The following TBC1D8 variants were observed in gnomAD, a reference collection of about 807,000 sequenced individuals.
TBC1D8 encodes the protein BUB2-like protein 1.
A neutral mutation model predicts 118.8 loss-of-function variants in TBC1D8; 65 were observed. That is an observed-to-expected ratio of 0.55 (90% CI 0.45 to 0.67). TBC1D8 has a LOEUF of 0.67. Ranked by LOEUF, TBC1D8 falls within the 30% of genes least tolerant of loss-of-function variation. The probability of loss-of-function intolerance (pLI) is 0.00; values close to 1 mark genes in which losing one functional copy is unlikely to be tolerated. For missense variants in TBC1D8, 1,376 were observed against 1,471.2 expected, an observed-to-expected ratio of 0.94 and a Z score of 1.06; for synonymous variants, 566 against 595.8, an observed-to-expected ratio of 0.95 and a Z score of 0.73.
At chr2:101,106,178 T>C (rs546301757) in intron 1 of TBC1D8, among the ~76,000 whole-genome samples, 17 of 152,270 alleles carry the variant, frequency 1.1e-4, no homozygotes, top group South Asian at 4.1e-4. Context: ...GGGAAAACTA[T>C]AGCAAGGGTA....
At chr2:101,022,810 G>C (rs1463309211) in intron 15 of TBC1D8, among the ~76,000 whole-genome samples, 1 of 152,026 alleles carries the variant, frequency 6.6e-6, no homozygotes, top group Non-Finnish European at 1.5e-5. Flanking sequence ...TTTCATTATA[G>C]AAGACACACA....
At chr2:101,143,305 C>T (rs1461543153) in intron 1 of TBC1D8, among the ~76,000 whole-genome samples, 1 of 152,070 alleles carries the variant, frequency 6.6e-6, no homozygotes, top group Non-Finnish European at 1.5e-5. Context: ...TCGTGATCTG[C>T]CCACCTCGGC....
At chr2:101,097,374 T>C (rs1676529843) in intron 1 of TBC1D8, among the ~76,000 whole-genome samples, 1 of 152,004 alleles carries the variant, frequency 6.6e-6, no homozygotes, top group South Asian at 2.1e-4. Flanking sequence ...ATAAAGGAAA[T>C]GTGTCTGAGA....
intron 1 of TBC1D8, among the ~76,000 whole-genome samples, chr2:101,144,177 T>C (rs1679230093): frequency 6.6e-6 from 1 of 152,246 alleles, no homozygotes; most frequent in African/African-American, 2.4e-5. Flanking sequence ...AAGAGTGCTC[T>C]GGTGACAAGA....
intron 2 of TBC1D8, among the ~76,000 whole-genome samples, chr2:101,079,835 G>A (rs1010653532): frequency 3.3e-5 from 5 of 150,800 alleles, no homozygotes; most frequent in Middle Eastern, 3.4e-3. Context: ...ACAGGCGCCC[G>A]CCACCACGCC....
At position 101,028,569 on chromosome 2, in the gene TBC1D8, G is replaced by A. The variant is rs76060163; in HGVS notation, c.2223-137C>T. The A allele has an allele frequency of 7.5e-3, 9,802 of 1,307,980 alleles. 471 individuals are homozygous for A. In the East Asian group the frequency reaches 0.097, roughly 13 times the overall value. 81.0% of individuals were successfully genotyped at this position (1,307,980 alleles called of 1,614,324 possible). A position where few individuals can be genotyped will look rare whatever the true frequency, so the allele number is the denominator to read the frequency against. On this transcript the variant is annotated intron_variant, in intron 12 of 19. Coordinates refer to ENST00000409318, the MANE Select transcript of TBC1D8 (RefSeq NM_001330348.2). ...GAGGAGGGCAAGGCTGCAGCTGCTC[G>A]GCTTATTTTAGAGAAGCGAGAGGCA...
chr2:101,104,564 G>A (rs1397732225), intron 1 of TBC1D8, among the ~76,000 whole-genome samples: 1 of 152,176 alleles, frequency 6.6e-6, no homozygotes, highest in Non-Finnish European at 1.5e-5. Context: ...AAAAGCAAAG[G>A]TAGTTCAGTG....
In TBC1D8 at chr2:101,022,420, CCGGGCA is replaced by C; in HGVS notation, c.2616_2621del (p.Asp872_Arg874delinsGlu). The C allele has an allele frequency of 6.2e-7, 1 of 1,613,288 alleles. No individual in the cohort carries two copies. The highest frequency in any genetic ancestry group is 8.5e-7 in the Non-Finnish European group (1 of 1,179,620). On this transcript the variant is annotated inframe_deletion, in exon 16 of 20. Transcript: ENST00000409318. ...CTAGCTGAAACAGGTGTGCAAACTG[CCGGGCA>C]TCTATGCGGTACTGCTCAGCATAGG...
At chr2:101,024,888 T>A (rs1484879022) in intron 15 of TBC1D8, among the ~76,000 whole-genome samples, 1 of 152,040 alleles carries the variant, frequency 6.6e-6, no homozygotes, top group Non-Finnish European at 1.5e-5. Context: ...GCAACACAAA[T>A]GTCACTCAAG....
chr2:101,050,347 C>T (rs1681984246), intron 5 of TBC1D8, 54 bp downstream of exon 5: 2 of 1,569,658 alleles, frequency 1.3e-6, no homozygotes, highest in African/African-American at 2.7e-5. Flanking sequence ...GGGATGGGCA[C>T]AGCTTATGGG....
chr2:101,026,075 G>A (rs1193672799), intron 15 of TBC1D8, among the ~76,000 whole-genome samples: 1 of 152,118 alleles, frequency 6.6e-6, no homozygotes, highest in Non-Finnish European at 1.5e-5. Flanking sequence ...AAACATGAAC[G>A]ATGTGGCTGG....
In TBC1D8 at chr2:101,007,589, T is replaced by TGTAA. The variant is rs375186762; in HGVS notation, c.*228_*231dup. 7,517 of 519,110 alleles carry TGTAA rather than the reference T, an allele frequency of 0.014. 79 individuals carry two copies. Among genetic ancestry groups the TGTAA allele is most frequent in the Non-Finnish European group, 0.02 (5,956 of 293,866 alleles). 32.2% of individuals were successfully genotyped at this position (519,110 alleles called of 1,614,324 possible). A position where few individuals can be genotyped will look rare whatever the true frequency, so the allele number is the denominator to read the frequency against. On this transcript the variant is annotated 3_prime_UTR_variant, in exon 20 of 20. Coordinates refer to ENST00000409318, the MANE Select transcript of TBC1D8 (RefSeq NM_001330348.2). ...CCATTTCAGCAAATCCGGTAAAAAT[T>TGTAA]GTAAGTTGGCATCAAGGGAACCAAT... is the stretch of plus-strand genomic sequence containing the variant.
Position 101,008,357 on chromosome 2 carries a change from G to GA in TBC1D8, c.3016-85dup, listed in dbSNP as rs963382664. The GA allele has an allele frequency of 2.0e-5, 21 of 1,074,802 alleles. No homozygotes were observed. The African/African-American group carries it at 3.2e-4, about 16-fold the overall frequency. The allele number at this position is 1,074,802 out of a possible 1,614,324, so 66.6% of individuals were successfully genotyped here. ...TTTTAAACATACCTGTGAGCTTTGAGAAAACGACACAGTATTTTTGAAGAC... is the reference window on the plus strand; with the variant it reads ...TTTTAAACATACCTGTGAGCTTTGAGAAAAACGACACAGTATTTTTGAAGAC... On this transcript the variant is annotated intron_variant, in intron 19 of 19. Coordinates refer to ENST00000409318, the MANE Select transcript of TBC1D8 (RefSeq NM_001330348.2).
At chr2:101,122,010 G>A (rs1042053214) in intron 1 of TBC1D8, among the ~76,000 whole-genome samples, 1 of 151,902 alleles carries the variant, frequency 6.6e-6, no homozygotes, top group African/African-American at 2.4e-5. Context: ...AGGTTGCAGT[G>A]AGCTGAGATC....
At chr2:101,071,996 C>T (rs1241280791) in intron 2 of TBC1D8, among the ~76,000 whole-genome samples, 2 of 152,208 alleles carry the variant, frequency 1.3e-5, no homozygotes, top group South Asian at 2.1e-4. Flanking sequence ...AAAATTACTC[C>T]TTGACCCATG....
rs767140068 is a variant in TBC1D8 at position 101,022,435 on chromosome 2, G to A, written c.2607C>T (p.Tyr869=). The change falls in exon 16 of 20, where the codon TAC becomes TAT. Residue 869 remains tyrosine (Y), a synonymous_variant. Coordinates refer to ENST00000409318, the MANE Select transcript of TBC1D8 (RefSeq NM_001330348.2). ...GTGCAAACTGCCGGGCATCTATGCG[G>A]TACTGCTCAGCATAGGGCCGGCTGG... ...HDPSRPYAEQ[Y]RIDARQFAHL... 2 of 1,612,972 alleles carry A rather than the reference G, an allele frequency of 1.2e-6. No homozygotes were observed. Among genetic ancestry groups the A allele is most frequent in the South Asian group, 2.2e-5 (2 of 90,914 alleles).
intron 1 of TBC1D8, among the ~76,000 whole-genome samples, chr2:101,127,660 C>T (rs1458585471): frequency 6.6e-6 from 1 of 152,184 alleles, no homozygotes; most frequent in Non-Finnish European, 1.5e-5. Context: ...ACCTCAGCCT[C>T]CCAAAGTGCT....
At chr2:101,085,359 C>G (rs1395036941) in intron 2 of TBC1D8, among the ~76,000 whole-genome samples, 1 of 151,884 alleles carries the variant, frequency 6.6e-6, no homozygotes, top group African/African-American at 2.4e-5. Context: ...AACTCCCCAC[C>G]CTGACAACTC....
At chr2:101,142,223 T>C (rs1438930582) in intron 1 of TBC1D8, among the ~76,000 whole-genome samples, 1 of 152,084 alleles carries the variant, frequency 6.6e-6, no homozygotes, top group Non-Finnish European at 1.5e-5. Context: ...TGGAATTATC[T>C]AGAAAGGTTG....
Sources: gnomAD v4.1 joint callset for allele counts (sites outside exome capture counted in the v4.1 genomes callset) on GRCh38, gnomAD v4.1.1 for gene constraint, MANE v1.5 for transcripts, NCBI Gene and HGNC (gene_info 2026-07-23, HGNC 2026-07-21) for gene names.